Variants in SLC38A8 observed in about 807,000 individuals in gnomAD.
The protein encoded by SLC38A8 is solute carrier family 38 member 8, also known as amino acid transporter SLC38A8.
SLC38A8 carries 65 observed loss-of-function variants against 46.0 expected under a neutral mutation model. The ratio of observed to expected loss-of-function variants is 1.41; its 90% CI spans 1.16 to 1.74. The LOEUF (loss-of-function observed/expected upper bound fraction) is 1.74, where lower values mean the gene tolerates loss of function less well. SLC38A8 is among the 40% of genes most tolerant of loss of function. The probability of loss-of-function intolerance (pLI) is 0.00; values close to 1 mark genes in which losing one functional copy is unlikely to be tolerated. For missense variants in SLC38A8, 998 were observed against 567.9 expected, an observed-to-expected ratio of 1.76 and a Z score of -7.70; for synonymous variants, 447 against 243.7, an observed-to-expected ratio of 1.83 and a Z score of -7.77.
chr16:84,031,750 G>C, intron 5 of SLC38A8, 117 bp downstream of exon 5: 1 of 835,306 alleles, frequency 1.2e-6, no homozygotes, highest in Non-Finnish European at 1.9e-6. Flanking sequence ...GAACTGGAAG[G>C]AAGGAGCCCA....
Position 84,042,173 on chromosome 16 carries a change from AG to A in SLC38A8, c.-2-15del. ...GTCCCTCCATGGCTAGAGGCGGCAG[AG>A]GGGTGGAGAGAAAGCACAGTCTTCA... On this transcript the variant is annotated splice_polypyrimidine_tract_variant and intron_variant, in intron 1 of 10. Coordinates refer to ENST00000299709, the MANE Select transcript of SLC38A8 (RefSeq NM_001080442.3). 1.3e-6 allele frequency: 2 copies of A among 1,597,162 alleles called. No individual in the cohort carries two copies. The highest frequency in any genetic ancestry group is 1.7e-6 in the Non-Finnish European group (2 of 1,173,138).
chr16:84,024,935 C>A (rs1381857413), intron 6 of SLC38A8, among the ~76,000 whole-genome samples: 1 of 152,164 alleles, frequency 6.6e-6, no homozygotes, highest in Non-Finnish European at 1.5e-5. Flanking sequence ...CCCACCTCGG[C>A]CTCGCAAAGT....
intron 5 of SLC38A8, among the ~76,000 whole-genome samples, chr16:84,030,265 G>T (rs1340698652): frequency 6.6e-6 from 1 of 152,106 alleles, no homozygotes; most frequent in African/African-American, 2.4e-5. Flanking sequence ...TTCGGAGGGA[G>T]CATGGCCTGA....
At chr16:84,025,081 G>A (rs976561349) in intron 6 of SLC38A8, among the ~76,000 whole-genome samples, 22 of 152,276 alleles carry the variant, frequency 1.4e-4, no homozygotes, top group South Asian at 8.3e-4. Context: ...GGTGATTCAC[G>A]AACAGCCAAG....
At chr16:84,017,782 T>A (rs1041010797) in intron 7 of SLC38A8, among the ~76,000 whole-genome samples, 4 of 152,182 alleles carry the variant, frequency 2.6e-5, no homozygotes, top group African/African-American at 9.6e-5. Context: ...GTGACACTGC[T>A]TCTGTCACCC....
At chr16:84,014,760 A>G (rs1322448290) in intron 9 of SLC38A8, among the ~76,000 whole-genome samples, 1 of 152,228 alleles carries the variant, frequency 6.6e-6, no homozygotes, top group Non-Finnish European at 1.5e-5. Flanking sequence ...GGACTACATC[A>G]AAGACAACCC....
At chr16:84,021,417 G>T (rs1030108005) in intron 7 of SLC38A8, among the ~76,000 whole-genome samples, 1 of 152,194 alleles carries the variant, frequency 6.6e-6, no homozygotes, top group Non-Finnish European at 1.5e-5. Flanking sequence ...CATGGACACA[G>T]TTCAGCCAAA....
At chr16:84,043,247 T>A (rs2085386877), upstream of SLC38A8, among the ~76,000 whole-genome samples, 1 of 152,102 alleles carries the variant, frequency 6.6e-6, no homozygotes, top group Admixed American at 6.5e-5. Context: ...TGATGACACA[T>A]CTCTCCAAAC....
intron 10 of SLC38A8, among the ~76,000 whole-genome samples, chr16:84,012,700 C>T (rs1597246944): frequency 6.6e-6 from 1 of 152,196 alleles, no homozygotes; most frequent in African/African-American, 2.4e-5. Flanking sequence ...AGCCAGGTAA[C>T]AAAGGAGGGT....
At chr16:84,029,684 T>C (rs896229716) in intron 5 of SLC38A8, 133 bp from the exon 6 acceptor site, 3 of 887,752 alleles carry the variant, frequency 3.4e-6, no homozygotes, top group South Asian at 3.2e-5. Context: ...TTTTAATGAC[T>C]GTGTCCGTGA....
At chr16:84,021,708 C>T (rs995729237) in intron 7 of SLC38A8, among the ~76,000 whole-genome samples, 1 of 152,238 alleles carries the variant, frequency 6.6e-6, no homozygotes, top group East Asian at 1.9e-4. Flanking sequence ...ACACCCCACT[C>T]TTGATACCAA....
rs886268615 is a variant in SLC38A8, at chr16:84,041,947, G to A, written c.189+22C>T. On this transcript the variant is annotated intron_variant, in intron 2 of 10. Transcript: ENST00000299709. ...AAAGCCACCTCGTACCCGTCCCCAG[G>A]ACTCACTTCCCGGGGACTTACCAGC... 4 of 1,554,688 alleles carry A rather than the reference G, an allele frequency of 2.6e-6. No individual in the cohort carries two copies. In the South Asian group the frequency reaches 3.6e-5, roughly 14 times the overall value.
intron 7 of SLC38A8, among the ~76,000 whole-genome samples, chr16:84,018,302 G>A (rs913068613): frequency 4.3e-5 from 6 of 139,032 alleles, no homozygotes; most frequent in East Asian, 2.3e-4. Flanking sequence ...GCACGATCTC[G>A]GCTCACTGCA....
Position 84,014,077 on chromosome 16 carries a change from C to T in SLC38A8, c.1163-1025G>A, listed in dbSNP as rs149865356. The stretch of plus-strand genomic sequence containing the variant: ...ACACTCTCATCTCTGAAAGGCCCGC[C>T]CAGAGCTGAGGGAGGAGATGCATGG... On this transcript the variant is annotated intron_variant, in intron 9 of 10. Transcript: ENST00000299709. Among the ~76,000 whole-genome samples the T allele has an allele frequency of 3.0e-3, 451 of 151,992 alleles. 5 individuals are homozygous for T. Among genetic ancestry groups the T allele is most frequent in the African/African-American group, 0.01 (432 of 41,444 alleles).
At chr16:84,029,136 G>A (rs1233143541) in intron 6 of SLC38A8, among the ~76,000 whole-genome samples, 1 of 152,096 alleles carries the variant, frequency 6.6e-6, no homozygotes, top group Non-Finnish European at 1.5e-5. Context: ...GGCAGCTTAG[G>A]CCTCCAGGCC....
intron 2 of SLC38A8, chr16:84,041,424 T>G (rs940315236): frequency 1.3e-5 from 2 of 153,164 alleles, no homozygotes; most frequent in African/African-American, 2.4e-5. Context: ...GCGATTCTCC[T>G]GACTCCACCT....
intron 6 of SLC38A8, among the ~76,000 whole-genome samples, chr16:84,028,501 C>G (rs79955276): frequency 0.03 from 4,454 of 149,868 alleles, 240 homozygotes; most frequent in African/African-American, 0.1. Flanking sequence ...CCAGGAGGTG[C>G]AGTGCAGTGA....
intron 2 of SLC38A8, among the ~76,000 whole-genome samples, chr16:84,038,209 G>A (rs1168172285): frequency 2.6e-5 from 4 of 151,986 alleles, no homozygotes; most frequent in African/African-American, 4.8e-5. Context: ...TACTTGGGAG[G>A]CTGACGCAGG....
At chr16:84,018,007 C>A (rs1408023581) in intron 7 of SLC38A8, among the ~76,000 whole-genome samples, 3 of 152,114 alleles carry the variant, frequency 2.0e-5, no homozygotes, top group Non-Finnish European at 4.4e-5. Context: ...TCCTGGATAA[C>A]CACAGTATCT....
Sources: allele counts gnomAD v4.1 joint callset (sites outside exome capture counted in the v4.1 genomes callset), GRCh38; gene constraint gnomAD v4.1.1; transcripts MANE v1.5; gene names NCBI Gene and HGNC (gene_info 2026-07-23, HGNC 2026-07-21).